Variants in HACD1 observed in about 807,000 individuals in gnomAD.
HACD1 encodes 3-hydroxyacyl-CoA dehydratase 1.
In HACD1, 41 loss-of-function variants were observed where a neutral mutation model predicts 32.0. The ratio of observed to expected loss-of-function variants is 1.28; its 90% CI spans 1.00 to 1.66. The LOEUF is 1.66. Ranked by LOEUF, HACD1 falls within the 40% of genes most tolerant of loss-of-function variation. The pLI, the probability that HACD1 is intolerant of heterozygous loss-of-function variation, is 0.00. For missense variants in HACD1, 396 were observed against 380.1 expected (o/e 1.04, Z -0.35); for synonymous variants, 142 against 139.0 (o/e 1.02, Z -0.15).
intron 1 of HACD1, among the ~76,000 whole-genome samples, chr10:17,613,080 G>T (rs1049041264): frequency 1.6e-4 from 24 of 149,202 alleles, no homozygotes; most frequent in African/African-American, 5.7e-4. Flanking sequence ...ATACTATTCC[G>T]TTGCTTTGCA....
intron 1 of HACD1, 93 bp from the exon 2 acceptor site, chr10:17,604,140 A>C: frequency 1.1e-6 from 1 of 924,568 alleles, no homozygotes; most frequent in Non-Finnish European, 1.7e-6. Context: ...AAAATAGTGA[A>C]AAGGTAAAAG....
At chr10:17,612,469 A>G (rs1832998889) in intron 1 of HACD1, among the ~76,000 whole-genome samples, 1 of 152,238 alleles carries the variant, frequency 6.6e-6, no homozygotes, top group African/African-American at 2.4e-5. Context: ...ATGACAGACA[A>G]TAAGCATTGC....
intron 5 of HACD1, chr10:17,599,032 C>T (rs981375923): frequency 2.8e-5 from 14 of 503,098 alleles, no homozygotes; most frequent in Non-Finnish European, 3.7e-5. Flanking sequence ...AAATGAATGA[C>T]TAATTCTGAG....
intron 5 of HACD1, among the ~76,000 whole-genome samples, chr10:17,595,374 C>T (rs1018544077): frequency 3.3e-5 from 5 of 152,060 alleles, no homozygotes; most frequent in African/African-American, 1.2e-4. Context: ...CTAATGAAAA[C>T]CAATTATTGC....
At chr10:17,611,288 C>T (rs1200960198) in intron 1 of HACD1, among the ~76,000 whole-genome samples, 3 of 152,186 alleles carry the variant, frequency 2.0e-5, no homozygotes, top group African/African-American at 4.8e-5. Flanking sequence ...TGAGCCACCG[C>T]GCCCGGCCCA....
chr10:17,591,153 T>G (rs1376110720), intron 6 of HACD1, among the ~76,000 whole-genome samples: 1 of 152,160 alleles, frequency 6.6e-6, no homozygotes, highest in African/African-American at 2.4e-5. Context: ...GGCTGTATCC[T>G]GTACTGCAAG....
In HACD1 at chr10:17,603,583, GCCA is replaced by G. The variant is rs1260540025; in HGVS notation, c.457_459del (p.Trp153del). The G allele has an allele frequency of 6.2e-7, 1 of 1,612,312 alleles. No individual in the cohort carries two copies. On this transcript the variant is annotated inframe_deletion, in exon 4 of 7. Transcript: ENST00000361271. ...ACTGGTTTTATACTGTGAGTAATGA[GCCA>G]CACCATAAAGATTCTTGAACTCACT...
At chr10:17,605,396 A>C (rs546202626) in intron 1 of HACD1, among the ~76,000 whole-genome samples, 2 of 151,754 alleles carry the variant, frequency 1.3e-5, no homozygotes, top group Non-Finnish European at 2.9e-5. Flanking sequence ...ATGGTGGCGC[A>C]CACCTGTAGT....
intron 1 of HACD1, among the ~76,000 whole-genome samples, chr10:17,608,008 T>C (rs1207312489): frequency 6.6e-6 from 1 of 152,166 alleles, no homozygotes; most frequent in Non-Finnish European, 1.5e-5. Context: ...CTGGAATTTC[T>C]GCAATTAGGA....
intron 6 of HACD1, 76 bp downstream of exon 6, chr10:17,594,129 C>T (rs371203025): frequency 1.7e-6 from 2 of 1,174,052 alleles, no homozygotes; most frequent in Admixed American, 3.0e-5. Context: ...AATTATTTCC[C>T]CTTGCATATT....
chr10:17,602,421 A>C (rs1273065867), intron 4 of HACD1, among the ~76,000 whole-genome samples: 2 of 152,166 alleles, frequency 1.3e-5, no homozygotes, highest in South Asian at 2.1e-4. Context: ...CATGGTGTCT[A>C]TCTCGCCTGA....
intron 5 of HACD1, among the ~76,000 whole-genome samples, chr10:17,594,863 T>G (rs1350747114): frequency 1.1e-4 from 16 of 150,200 alleles, no homozygotes; most frequent in Non-Finnish European, 2.1e-4. Context: ...TTTTTTTGTT[T>G]TTTGTTTTTT....
intron 1 of HACD1, among the ~76,000 whole-genome samples, chr10:17,609,152 A>C (rs1180162269): frequency 1.4e-5 from 2 of 146,984 alleles, no homozygotes; most frequent in South Asian, 2.1e-4. Context: ...AAATGTGCAA[A>C]AGGTTTTTTT....
chr10:17,590,535 G>GT (rs1833915574), intron 6 of HACD1, 89 bp from the exon 7 acceptor site: 2 of 908,066 alleles, frequency 2.2e-6, no homozygotes, highest in Non-Finnish European at 3.4e-6. Context: ...ATGTTAGAGA[G>GT]TAAATACATC....
intron 4 of HACD1, among the ~76,000 whole-genome samples, chr10:17,599,862 T>G (rs1834044871): frequency 6.6e-6 from 1 of 152,184 alleles, no homozygotes; most frequent in Admixed American, 6.5e-5. Flanking sequence ...TAAATAGTCT[T>G]TCCTCCCTTT....
Position 17,599,396 on chromosome 10 carries a change from T to C in HACD1, c.499A>G (p.Ser167Gly). Residue 167 changes from serine (S) to glycine (G), a missense_variant, in exon 5 of 7, where the codon AGT becomes GGT. By Grantham distance (56) the Ser-to-Gly change is moderately conservative. Coordinates refer to ENST00000361271, the MANE Select transcript of HACD1 (RefSeq NM_014241.4). ...HSIKPIQNEE[S>G]VVLFLVAWTV... ...CACGCGACCAGAAAAAGCACCACAC[T>C]CTCTTCATTCTGGATCTGCAGAATT... The C allele has an allele frequency of 6.2e-7, 1 of 1,613,300 alleles. No individual in the cohort carries two copies. Among genetic ancestry groups the C allele is most frequent in the South Asian group, 1.1e-5 (1 of 91,018 alleles).
intron 6 of HACD1, among the ~76,000 whole-genome samples, chr10:17,593,059 G>A (rs1471737056): frequency 6.6e-6 from 1 of 151,924 alleles, no homozygotes; most frequent in Non-Finnish European, 1.5e-5. Context: ...AAAATTAGGT[G>A]GGCACTGTGG....
rs74117866 is a variant in HACD1 at position 17,596,827 on chromosome 10, T to C, written c.606-2444A>G. On this transcript the variant is annotated intron_variant, in intron 5 of 6. Coordinates refer to ENST00000361271, the MANE Select transcript of HACD1 (RefSeq NM_014241.4). Reference sequence around the variant, plus strand: ...TATACAATTACCTATTCTGAGGACTTTTCCAAGAACACTTATGACACATAA... The same window carrying C: ...TATACAATTACCTATTCTGAGGACTCTTCCAAGAACACTTATGACACATAA... 5.7e-3 allele frequency among the ~76,000 whole-genome samples: 863 copies of C among 152,292 alleles called. 11 individuals carry two copies. Among genetic ancestry groups the C allele is most frequent in the African/African-American group, 0.02 (812 of 41,564 alleles).
intron 4 of HACD1, among the ~76,000 whole-genome samples, chr10:17,601,963 G>A (rs935544432): frequency 1.3e-5 from 2 of 152,040 alleles, no homozygotes; most frequent in African/African-American, 4.8e-5. Context: ...AAAGGCATGT[G>A]AGAAATGGAA....
Sources: allele counts gnomAD v4.1 joint callset (sites outside exome capture counted in the v4.1 genomes callset), GRCh38; gene constraint gnomAD v4.1.1; transcripts MANE v1.5; gene names NCBI Gene and HGNC (gene_info 2026-07-23, HGNC 2026-07-21).